Variants in MYO6 observed in about 807,000 individuals in gnomAD.
MYO6 encodes myosin VI.
A neutral mutation model predicts 178.7 loss-of-function variants in MYO6; 74 were observed. That is an observed-to-expected ratio of 0.41 (90% CI 0.34 to 0.50). The LOEUF (loss-of-function observed/expected upper bound fraction) is 0.50, where lower values mean the gene tolerates loss of function less well. Among genes scored for constraint, MYO6 ranks in the 20% least tolerant of loss-of-function variants. The pLI, the probability that MYO6 is intolerant of heterozygous loss-of-function variation, is 0.09. For missense variants in MYO6, 1,330 were observed against 1,547.4 expected (o/e 0.86, Z 2.36); for synonymous variants, 477 against 504.6 (o/e 0.95, Z 0.73).
At chr6:75,852,754 A>G (rs905094598) in intron 11 of MYO6, among the ~76,000 whole-genome samples, 2 of 152,164 alleles carry the variant, frequency 1.3e-5, no homozygotes, top group African/African-American at 4.8e-5. Flanking sequence ...GTCAGTTTCT[A>G]GACATTTGGG....
At chr6:75,858,327 C>T (rs936033460) in intron 13 of MYO6, among the ~76,000 whole-genome samples, 12 of 152,202 alleles carry the variant, frequency 7.9e-5, no homozygotes, top group South Asian at 2.1e-4. Context: ...AATTGTTGGC[C>T]GGGTGCGGTG....
chr6:75,903,958 G>A (rs369369341), intron 30 of MYO6, among the ~76,000 whole-genome samples: 64 of 151,698 alleles, frequency 4.2e-4, no homozygotes, highest in African/African-American at 1.5e-3. Context: ...GCTTGTCTGT[G>A]AAGTATTTTA....
At chr6:75,770,411 T>G (rs1310020820) in intron 1 of MYO6, among the ~76,000 whole-genome samples, 1 of 152,182 alleles carries the variant, frequency 6.6e-6, no homozygotes, top group Non-Finnish European at 1.5e-5. Flanking sequence ...GTTCTCATGT[T>G]GTTTATTATA....
intron 11 of MYO6, among the ~76,000 whole-genome samples, chr6:75,849,135 A>G (rs1775016919): frequency 6.6e-6 from 1 of 152,230 alleles, no homozygotes; most frequent in Non-Finnish European, 1.5e-5. Flanking sequence ...TATGAACCAC[A>G]GCCCAAATTT....
intron 1 of MYO6, among the ~76,000 whole-genome samples, chr6:75,812,351 T>C (rs1031755590): frequency 2.6e-5 from 4 of 152,176 alleles, no homozygotes; most frequent in Non-Finnish European, 5.9e-5. Flanking sequence ...GTGTATATTA[T>C]GGGGTACATG....
chr6:75,790,620 C>T (rs1185798797), intron 1 of MYO6, among the ~76,000 whole-genome samples: 1 of 152,178 alleles, frequency 6.6e-6, no homozygotes, highest in Non-Finnish European at 1.5e-5. Flanking sequence ...CTCGAGTGAT[C>T]CGCCTGCCTC....
intron 1 of MYO6, among the ~76,000 whole-genome samples, chr6:75,799,602 A>G (rs962612112): frequency 2.6e-5 from 4 of 152,058 alleles, no homozygotes; most frequent in Admixed American, 2.0e-4. Context: ...GCAAGAAAAT[A>G]TTTACTTTCT....
chr6:75,820,010 C>T (rs1191987476), intron 2 of MYO6, among the ~76,000 whole-genome samples: 4 of 152,098 alleles, frequency 2.6e-5, no homozygotes, highest in Non-Finnish European at 5.9e-5. Flanking sequence ...TGCCACTGCA[C>T]TCTAGCCTGG....
intron 1 of MYO6, among the ~76,000 whole-genome samples, chr6:75,789,433 A>G (rs1235988593): frequency 6.6e-6 from 1 of 152,138 alleles, no homozygotes; most frequent in Non-Finnish European, 1.5e-5. Context: ...TGAGTAATCA[A>G]ACCTGTGGTT....
intron 8 of MYO6, 36 bp downstream of exon 8, chr6:75,840,718 G>A (rs758180768): frequency 6.6e-7 from 1 of 1,518,826 alleles, no homozygotes; most frequent in African/African-American, 1.4e-5. Context: ...ATATTTTTGG[G>A]GAGTGTTTGT....
rs1771377355 is a variant in MYO6 at position 75,817,358 on chromosome 6, G to A, written c.-47-143G>A. On this transcript the variant is annotated intron_variant, in intron 1 of 34. Transcript: ENST00000369977. ...GGGGCAGAGTTCAGCAAGAGGCAAG[G>A]GAGGAGGTGGGGATTTTATGTGGCA... 6 of 612,798 alleles carry A rather than the reference G, an allele frequency of 9.8e-6. No homozygotes were observed. In the South Asian group the frequency reaches 1.1e-4, roughly 12 times the overall value. The allele number at this position is 612,798 out of a possible 1,614,324, so 38.0% of individuals were successfully genotyped here.
At chr6:75,904,942 T>TA (rs771425456) in intron 30 of MYO6, among the ~76,000 whole-genome samples, 256 of 152,278 alleles carry the variant, frequency 1.7e-3, no homozygotes, top group Non-Finnish European at 3.0e-3. Flanking sequence ...GTTTTCCTTC[T>TA]ACAGACAGGA....
chr6:75,815,786 C>G (rs1020579456), intron 1 of MYO6, among the ~76,000 whole-genome samples: 1 of 152,166 alleles, frequency 6.6e-6, no homozygotes, highest in African/African-American at 2.4e-5. Flanking sequence ...TGAGAGCATC[C>G]ACATGAGGAT....
rs530813379 is a variant in MYO6, at chr6:75,750,531, A to ATT, written c.-48+1123_-48+1124dup. Among the ~76,000 whole-genome samples, 1,385 of 134,362 alleles carry ATT rather than the reference A, an allele frequency of 0.01. 41 individuals carry two copies. The East Asian group carries it at 0.13, about 13-fold the overall frequency. 88.1% of individuals were successfully genotyped at this position (134,362 alleles called of 152,430 possible). ...TAACTGTACGGGCTAAATAAGCCTC[A>ATT]TTTTTTTTTTTTTTTTAATGCTCTG... On this transcript the variant is annotated intron_variant, in intron 1 of 34. Coordinates refer to ENST00000369977, the MANE Select transcript of MYO6 (RefSeq NM_004999.4).
chr6:75,836,989 G>A (rs961066551), intron 7 of MYO6, among the ~76,000 whole-genome samples: 1 of 152,144 alleles, frequency 6.6e-6, no homozygotes, highest in Non-Finnish European at 1.5e-5. Context: ...TCTGGCTCCT[G>A]CCTCTTCTGA....
rs117000756 is a variant in MYO6 at position 75,877,981 on chromosome 6, G to A, written c.2078-1839G>A. On this transcript the variant is annotated intron_variant, in intron 20 of 34. Coordinates refer to ENST00000369977, the MANE Select transcript of MYO6 (RefSeq NM_004999.4). Reference sequence around the variant, plus strand: ...GGTACTTGTTTATTTGATACAAGTGGGCAAAAACTGTGATGATACTAACCA... The same window carrying A: ...GGTACTTGTTTATTTGATACAAGTGAGCAAAAACTGTGATGATACTAACCA... Among the ~76,000 whole-genome samples, 279 of 152,172 alleles carry A rather than the reference G, an allele frequency of 1.8e-3. 3 individuals are homozygous for A. In the East Asian group the frequency reaches 0.028, roughly 16 times the overall value.
At chr6:75,886,767 T>G in intron 24 of MYO6, 77 bp from the exon 25 acceptor site, 1 of 1,368,940 alleles carries the variant, frequency 7.3e-7, no homozygotes, top group Non-Finnish European at 1.0e-6. Flanking sequence ...ATACCCTGTT[T>G]AGCATTTTAT....
intron 7 of MYO6, among the ~76,000 whole-genome samples, chr6:75,837,818 G>A (rs1773801317): frequency 6.6e-6 from 1 of 152,046 alleles, no homozygotes; most frequent in African/African-American, 2.4e-5. Flanking sequence ...ACAGTAAAGT[G>A]CCTTACTTTA....
intron 15 of MYO6, among the ~76,000 whole-genome samples, chr6:75,861,796 T>C (rs760788899): frequency 2.0e-5 from 3 of 152,218 alleles, no homozygotes; most frequent in Non-Finnish European, 2.9e-5. Flanking sequence ...CAAAGCACTT[T>C]CACATTTCAC....
Sources: gnomAD v4.1 joint callset for allele counts (sites outside exome capture counted in the v4.1 genomes callset) on GRCh38, gnomAD v4.1.1 for gene constraint, MANE v1.5 for transcripts, NCBI Gene and HGNC (gene_info 2026-07-23, HGNC 2026-07-21) for gene names.